MALRD1: variants seen among roughly 807,000 people sequenced by gnomAD.
MALRD1 encodes the protein MAM and LDL-receptor class A domain-containing protein 1.
A neutral mutation model predicts 242.1 loss-of-function variants in MALRD1; 247 were observed. That is an observed-to-expected ratio of 1.02 (90% CI 0.92 to 1.13). The LOEUF (loss-of-function observed/expected upper bound fraction) is 1.13, where lower values mean the gene tolerates loss of function less well. MALRD1 is among the 50% of genes most tolerant of loss of function. MALRD1 has a pLI of 0.00. For synonymous variants in MALRD1, 995 were observed against 866.6 expected, an observed-to-expected ratio of 1.15 and a Z score of -2.60; for missense variants, 2,989 against 2,533.1, an observed-to-expected ratio of 1.18 and a Z score of -3.86.
intron 28 of MALRD1, among the ~76,000 whole-genome samples, chr10:19,402,899 T>G (rs1420967530): frequency 1.3e-5 from 2 of 152,156 alleles, no homozygotes; most frequent in Admixed American, 6.6e-5. Flanking sequence ...TATTTTCCCT[T>G]CTGCGTCTTG....
intron 36 of MALRD1, among the ~76,000 whole-genome samples, chr10:19,651,636 G>T (rs1446443126): frequency 6.6e-6 from 1 of 152,084 alleles, no homozygotes; most frequent in East Asian, 1.9e-4. Context: ...CATAAAGAAG[G>T]CAATTATCCA....
In MALRD1 at chr10:19,283,085, T is replaced by G. The variant is rs1479875921; in HGVS notation, c.3323T>G (p.Leu1108Trp). ...CKWYQPIPVH[L>W]LQDSNTFRWG... ...TGGTATCAACCAATCCCAGTACATT[T>G]GCTTCAAGATTCAAACACATTCAGG... The change falls in exon 21 of 40, where the codon TTG (leucine) becomes TGG (tryptophan). Residue 1108 changes from leucine (L) to tryptophan (W), a missense_variant. Coordinates refer to ENST00000454679, the MANE Select transcript of MALRD1 (RefSeq NM_001142308.3). The G allele has an allele frequency of 6.5e-7, 1 of 1,550,190 alleles. No homozygotes were observed. The highest frequency in any genetic ancestry group is 8.7e-7 in the Non-Finnish European group (1 of 1,146,718).
In MALRD1 at chr10:19,275,497, T is replaced by C. The variant is rs570204095; in HGVS notation, c.3080-4550T>C. Among the ~76,000 whole-genome samples, 81 of 152,196 alleles carry C rather than the reference T, an allele frequency of 5.3e-4. 2 individuals are homozygous for C. In the South Asian group the frequency reaches 0.015, roughly 28 times the overall value. On this transcript the variant is annotated intron_variant, in intron 19 of 39. Coordinates refer to ENST00000454679, the MANE Select transcript of MALRD1 (RefSeq NM_001142308.3). ...TCCTGGTTAACACAGTGAAACCCCG[T>C]CTCTACTAAAAATACAAAAAAATTA...
chr10:19,203,796 T>C lies in MALRD1; in HGVS notation c.2020T>C (p.Trp674Arg). The C allele has an allele frequency of 6.4e-7, 1 of 1,550,628 alleles. No individual in the cohort carries two copies. The highest frequency in any genetic ancestry group is 1.4e-5 in the African/African-American group (1 of 73,170). ...FEAISGDHFD[W>R]IRSSQSELSA... ...AGCAATTAGTGGTGACCATTTTGAC[T>C]GGATACGGAGCTCTCAGAGTGAACT... is the stretch of plus-strand genomic sequence containing the variant. Residue 674 changes from tryptophan (W) to arginine (R), a missense_variant, in exon 15 of 40, where the codon TGG becomes CGG. By Grantham distance (101) the Trp-to-Arg change is moderately radical. Transcript: ENST00000454679.
At chr10:19,172,523 G>A (rs892234583) in intron 13 of MALRD1, among the ~76,000 whole-genome samples, 4 of 151,494 alleles carry the variant, frequency 2.6e-5, no homozygotes, top group African/African-American at 7.3e-5. Context: ...AACCTGGTGG[G>A]TCCCTTCAGG....
intron 11 of MALRD1, among the ~76,000 whole-genome samples, chr10:19,150,678 T>C (rs1833917626): frequency 6.6e-6 from 1 of 152,188 alleles, no homozygotes; most frequent in Non-Finnish European, 1.5e-5. Flanking sequence ...CTATCTTACA[T>C]TCCCATTGTC....
chr10:19,384,566 TATATA>T (rs1414699759), intron 26 of MALRD1, among the ~76,000 whole-genome samples: 49 of 124,420 alleles, frequency 3.9e-4, no homozygotes, highest in Non-Finnish European at 6.2e-4. Context: ...TTATATAGTG[TATATA>T]ATATAATATT....
intron 25 of MALRD1, among the ~76,000 whole-genome samples, chr10:19,349,488 A>T (rs1350495910): frequency 2.0e-5 from 3 of 152,254 alleles, no homozygotes; most frequent in Non-Finnish European, 2.9e-5. Context: ...TTCTGTAAGG[A>T]AAGTGACATG....
rs762647207 is a variant in MALRD1 at position 19,209,315 on chromosome 10, C to T, written c.2626C>T (p.Gln876Ter). The T allele has an allele frequency of 7.1e-6, 11 of 1,548,754 alleles. No homozygotes were observed. The highest frequency in any genetic ancestry group is 9.6e-6 in the Non-Finnish European group (11 of 1,146,384). ...NFETGICNWE[Q>*]DAKDDFDWTR... ...TGAAACTGGAATCTGTAACTGGGAA[C>T]AAGATGCAAAAGATGACTTTGATTG... is the stretch of plus-strand genomic sequence containing the variant. The change falls in exon 18 of 40, where the codon CAA becomes TAA. Residue 876 changes from glutamine to a stop codon, truncating the protein, a stop_gained. Coordinates refer to ENST00000454679, the MANE Select transcript of MALRD1 (RefSeq NM_001142308.3). LOFTEE classifies it high-confidence loss of function.
At chr10:19,373,781 C>T (rs1042663824) in intron 26 of MALRD1, among the ~76,000 whole-genome samples, 1 of 152,136 alleles carries the variant, frequency 6.6e-6, no homozygotes, top group Non-Finnish European at 1.5e-5. Flanking sequence ...AACCAAGAAG[C>T]TTTGACAGTT....
intron 36 of MALRD1, among the ~76,000 whole-genome samples, chr10:19,629,572 T>G (rs1156944883): frequency 6.6e-6 from 1 of 152,188 alleles, no homozygotes; most frequent in African/African-American, 2.4e-5. Flanking sequence ...TTTCCTAGTA[T>G]GTGCACGGCC....
At chr10:19,431,384 A>G (rs1396151770) in intron 28 of MALRD1, among the ~76,000 whole-genome samples, 9 of 152,044 alleles carry the variant, frequency 5.9e-5, no homozygotes, top group East Asian at 3.8e-4. Context: ...TGACTTGTAT[A>G]TTGTTAAGGA....
At chr10:19,571,504 C>G (rs576263011) in intron 33 of MALRD1, among the ~76,000 whole-genome samples, 1 of 152,012 alleles carries the variant, frequency 6.6e-6, no homozygotes, top group Non-Finnish European at 1.5e-5. Context: ...TTCTTTTTCA[C>G]GTAAAATTTA....
At chr10:19,190,827 A>G (rs1317697125) in intron 14 of MALRD1, among the ~76,000 whole-genome samples, 1 of 152,134 alleles carries the variant, frequency 6.6e-6, no homozygotes, top group Non-Finnish European at 1.5e-5. Flanking sequence ...CATAAACTAA[A>G]TATAAGACCT....
chr10:19,211,849 T>G (rs944682240), intron 18 of MALRD1, among the ~76,000 whole-genome samples: 3 of 152,110 alleles, frequency 2.0e-5, no homozygotes, highest in African/African-American at 7.2e-5. Context: ...AACTGTGATA[T>G]GGTAGATGGA....
In MALRD1 at chr10:19,580,602, G is replaced by A. The variant is rs139948283; in HGVS notation, c.5680+12899G>A. On this transcript the variant is annotated intron_variant, in intron 33 of 39. Coordinates refer to ENST00000454679, the MANE Select transcript of MALRD1 (RefSeq NM_001142308.3). ...ATGCACACATATTTATACAAATCAC[G>A]TATACATACATAAGTGCATTTATGT... Among the ~76,000 whole-genome samples, 295 of 152,162 alleles carry A rather than the reference G, an allele frequency of 1.9e-3. 2 individuals carry two copies. Among genetic ancestry groups the A allele is most frequent in the African/African-American group, 6.9e-3 (285 of 41,510 alleles).
At chr10:19,406,317 A>G (rs1400191092) in intron 28 of MALRD1, among the ~76,000 whole-genome samples, 2 of 152,346 alleles carry the variant, frequency 1.3e-5, no homozygotes, top group African/African-American at 4.8e-5. Context: ...TATCTGTATC[A>G]TCTAAAACTG....
At chr10:19,201,159 A>G (rs1219790314) in intron 14 of MALRD1, among the ~76,000 whole-genome samples, 1 of 152,180 alleles carries the variant, frequency 6.6e-6, no homozygotes. Flanking sequence ...TTATATATGT[A>G]TACATGTGTG....
intron 20 of MALRD1, among the ~76,000 whole-genome samples, chr10:19,281,963 C>CAAAAAAAAAAAAAAAAAAAAAAAAAAA (rs149370838): frequency 1.3e-5 from 1 of 79,862 alleles, no homozygotes; most frequent in African/African-American, 5.1e-5. Flanking sequence ...ACGATGTCTC[C>CAAAAAAAAAAAAAAAAAAAAAAAAAAA]AAAAAAAAAA....
Sources: gnomAD v4.1 joint callset for allele counts (sites outside exome capture counted in the v4.1 genomes callset) on GRCh38, gnomAD v4.1.1 for gene constraint, MANE v1.5 for transcripts, NCBI Gene and HGNC (gene_info 2026-07-23, HGNC 2026-07-21) for gene names.